CCDC146: variants seen among roughly 807,000 people sequenced by gnomAD.
The protein encoded by CCDC146 is coiled-coil domain-containing protein 146.
A neutral mutation model predicts 119.3 loss-of-function variants in CCDC146; 92 were observed. That is an observed-to-expected ratio of 0.77 (90% CI 0.65 to 0.92). The LOEUF is 0.92. Among genes scored for constraint, CCDC146 ranks in the 40% least tolerant of loss-of-function variants. The pLI is 0.00. For synonymous variants in CCDC146, 372 were observed against 371.8 expected, an observed-to-expected ratio of 1.00 and a Z score of -0.01; for missense variants, 1,000 against 1,103.0, an observed-to-expected ratio of 0.91 and a Z score of 1.32.
intron 1 of CCDC146, among the ~76,000 whole-genome samples, chr7:77,148,227 T>C (rs1275905034): frequency 2.0e-5 from 3 of 152,312 alleles, no homozygotes; most frequent in Admixed American, 1.3e-4. Flanking sequence ...GGATATAATC[T>C]CCTGGTGTGC....
intron 1 of CCDC146, among the ~76,000 whole-genome samples, chr7:77,150,670 A>G (rs1791097000): frequency 6.6e-6 from 1 of 152,170 alleles, no homozygotes; most frequent in African/African-American, 2.4e-5. Context: ...AATTAAATAT[A>G]TGTTTAGATT....
intron 11 of CCDC146, among the ~76,000 whole-genome samples, chr7:77,275,608 A>G (rs945278884): frequency 2.0e-5 from 3 of 152,196 alleles, no homozygotes; most frequent in African/African-American, 7.2e-5. Flanking sequence ...TTGTCCAGGA[A>G]CAACTCAAGA....
At chr7:77,237,217 T>A in intron 3 of CCDC146, 188 bp downstream of exon 3, 1 of 583,752 alleles carries the variant, frequency 1.7e-6, no homozygotes, top group South Asian at 1.9e-5. Context: ...AAGGAAGGAA[T>A]CTAGCCTTGA....
chr7:77,286,574 C>T (rs910899324), intron 15 of CCDC146, among the ~76,000 whole-genome samples: 1 of 152,176 alleles, frequency 6.6e-6, no homozygotes, highest in Non-Finnish European at 1.5e-5. Flanking sequence ...GGCACTGCCT[C>T]ACCTCATATG....
chr7:77,262,142 A>G lies in CCDC146; in HGVS notation c.1008A>G (p.Leu336=), dbSNP rs943326283. 8 of 1,606,236 alleles carry G rather than the reference A, an allele frequency of 5.0e-6. No homozygotes were observed. Among genetic ancestry groups the G allele is most frequent in the Non-Finnish European group, 6.8e-6 (8 of 1,176,908 alleles). Residue 336 remains leucine (L), a synonymous_variant, in exon 9 of 19, where the codon TTA becomes TTG. Transcript: ENST00000285871. The stretch of plus-strand genomic sequence containing the variant: ...ACAGAGGGATCTTGGATCTCAATTT[A>G]CGCAACAGTCTCATTGACAAGCAGA... The part of the protein sequence containing the change: ...LTERGILDLN[L]RNSLIDKQNY...
At chr7:77,153,968 C>T (rs913642935) in intron 1 of CCDC146, among the ~76,000 whole-genome samples, 5 of 151,706 alleles carry the variant, frequency 3.3e-5, no homozygotes, top group African/African-American at 1.2e-4. Context: ...GAATACCATT[C>T]GGCAATTAAG....
intron 1 of CCDC146, among the ~76,000 whole-genome samples, chr7:77,167,165 T>C (rs1390519696): frequency 2.0e-5 from 3 of 152,176 alleles, no homozygotes; most frequent in African/African-American, 7.2e-5. Flanking sequence ...TAGTTTCTGT[T>C]CTAAGAAGTC....
rs149256184 is a variant in CCDC146, at chr7:77,176,572, C to A, written c.156+8748C>A. On this transcript the variant is annotated intron_variant, in intron 2 of 18. Transcript: ENST00000285871. ...GTGGATCTGAGCCTATGGGGGAAGT[C>A]TCTGGCTAGAGGTGTAGTAGACACG... Among the ~76,000 whole-genome samples the A allele has an allele frequency of 1.1e-3, 161 of 152,186 alleles. 2 individuals are homozygous for A. Among genetic ancestry groups the A allele is most frequent in the African/African-American group, 3.5e-3 (146 of 41,518 alleles).
chr7:77,157,715 T>C (rs1405228843), intron 1 of CCDC146, among the ~76,000 whole-genome samples: 2 of 152,236 alleles, frequency 1.3e-5, no homozygotes, highest in Non-Finnish European at 2.9e-5. Context: ...TGGGGGCTGC[T>C]TCTCTGCAGA....
At chr7:77,245,175 T>C (rs1272117574) in intron 4 of CCDC146, among the ~76,000 whole-genome samples, 1 of 152,244 alleles carries the variant, frequency 6.6e-6, no homozygotes, top group Non-Finnish European at 1.5e-5. Flanking sequence ...CAGTAGTTTC[T>C]GTTTCTGGAT....
intron 2 of CCDC146, among the ~76,000 whole-genome samples, chr7:77,176,736 G>A (rs1791506100): frequency 6.7e-6 from 1 of 149,200 alleles, no homozygotes; most frequent in African/African-American, 2.4e-5. Flanking sequence ...TACTTGTAAA[G>A]TTATCTTTTT....
chr7:77,158,980 T>A (rs1397544281), intron 1 of CCDC146, among the ~76,000 whole-genome samples: 2 of 152,142 alleles, frequency 1.3e-5, no homozygotes, highest in African/African-American at 4.8e-5. Context: ...TTTCCTTTTT[T>A]AAAAAAACAC....
At chr7:77,236,844 T>C (rs948704045) in intron 2 of CCDC146, 103 bp from the exon 3 acceptor site, 2 of 844,952 alleles carry the variant, frequency 2.4e-6, no homozygotes, top group Non-Finnish European at 3.9e-6. Flanking sequence ...TATCCTCTAA[T>C]GTTTAATGGA....
At chr7:77,173,019 A>G (rs71555985) in intron 2 of CCDC146, among the ~76,000 whole-genome samples, 2 of 152,086 alleles carry the variant, frequency 1.3e-5, no homozygotes, top group Admixed American at 6.6e-5. Context: ...TTTTGCATAG[A>G]AAATGTAGAG....
At chr7:77,267,204 G>T (rs528135881) in intron 9 of CCDC146, among the ~76,000 whole-genome samples, 45 of 152,108 alleles carry the variant, frequency 3.0e-4, no homozygotes, top group African/African-American at 1.0e-3. Flanking sequence ...TGTTGCCCAG[G>T]CTAGTCTCAA....
chr7:77,195,609 T>C (rs1373735570), intron 2 of CCDC146: 1 of 152,194 alleles, frequency 6.6e-6, no homozygotes, highest in Non-Finnish European at 1.5e-5. Flanking sequence ...GCTTAAATCA[T>C]GGCCCAAATA....
intron 2 of CCDC146, chr7:77,199,372 GACAGCTTGTTA>G: frequency 6.2e-7 from 1 of 1,614,028 alleles, no homozygotes. Flanking sequence ...TAGCTCAGAG[GACAGCTTGTTA>G]ACCTCACTCT....
intron 1 of CCDC146, among the ~76,000 whole-genome samples, chr7:77,127,949 A>G (rs920746263): frequency 2.0e-4 from 31 of 152,074 alleles, no homozygotes; most frequent in Non-Finnish European, 4.0e-4. Context: ...ATCTGCATTG[A>G]ATTTTTCATC....
intron 4 of CCDC146, among the ~76,000 whole-genome samples, chr7:77,248,300 T>C (rs1285821343): frequency 6.6e-6 from 1 of 152,122 alleles, no homozygotes; most frequent in African/African-American, 2.4e-5. Flanking sequence ...GGGTGAAGGA[T>C]GAGAAATGAC....
Sources: allele counts gnomAD v4.1 joint callset (sites outside exome capture counted in the v4.1 genomes callset), GRCh38; gene constraint gnomAD v4.1.1; transcripts MANE v1.5; gene names NCBI Gene and HGNC (gene_info 2026-07-23, HGNC 2026-07-21).